MTFR1: variants seen among roughly 807,000 people sequenced by gnomAD.
MTFR1 encodes mitochondrial fission regulator 1, also known as chondrocyte protein with a poly-proline region.
In MTFR1, 28 loss-of-function variants were observed where a neutral mutation model predicts 38.8. That is an observed-to-expected ratio of 0.72 (90% confidence interval 0.53 to 0.99). The LOEUF (loss-of-function observed/expected upper bound fraction) is 0.99, where lower values mean the gene tolerates loss of function less well. MTFR1 is among the 50% of genes least tolerant of loss of function. The probability of loss-of-function intolerance (pLI) is 0.00; values close to 1 mark genes in which losing one functional copy is unlikely to be tolerated. For missense variants in MTFR1, 358 were observed against 395.5 expected (o/e 0.91, Z 0.81); for synonymous variants, 145 against 137.0 (o/e 1.06, Z -0.41).
In MTFR1 at chr8:65,693,659, A is replaced by G; in HGVS notation, c.181A>G (p.Thr61Ala). 2 of 1,613,962 alleles carry G rather than the reference A, an allele frequency of 1.2e-6. No homozygotes were observed. Among genetic ancestry groups the G allele is most frequent in the Non-Finnish European group, 1.7e-6 (2 of 1,179,848 alleles). Residue 61 changes from threonine to alanine, a missense_variant, in exon 4 of 8, where the codon ACA (threonine) becomes GCA (alanine). Transcript: ENST00000262146. The stretch of plus-strand genomic sequence containing the variant: ...TAACTTACAGATTAACAGCCATGCA[A>G]CAGAATGGAGTCCCAGCCACCCAGG... ...RVQFQINSHATEWSPSHPGED... is the reference protein window; with the variant it reads ...RVQFQINSHAAEWSPSHPGED...
intron 1 of MTFR1, among the ~76,000 whole-genome samples, chr8:65,657,436 G>A (rs1809298304): frequency 6.6e-6 from 1 of 152,150 alleles, no homozygotes; most frequent in Non-Finnish European, 1.5e-5. Context: ...TATGGTCTGG[G>A]CACAGTGGCT....
At chr8:65,751,655 G>T (rs550454206) in intron 3 of MTFR1, among the ~76,000 whole-genome samples, 1 of 152,094 alleles carries the variant, frequency 6.6e-6, no homozygotes, top group Non-Finnish European at 1.5e-5. Flanking sequence ...ACCACACCCA[G>T]CTAATTTTGT....
At chr8:65,705,035 C>T in intron 5 of MTFR1, 106 bp downstream of exon 5, 1 of 1,008,178 alleles carries the variant, frequency 9.9e-7, no homozygotes, top group Non-Finnish European at 1.5e-6. Context: ...TCTTAGAAAA[C>T]CAGGTGTCAT....
At chr8:65,686,010 T>A (rs1805061893) in intron 3 of MTFR1, among the ~76,000 whole-genome samples, 1 of 152,134 alleles carries the variant, frequency 6.6e-6, no homozygotes, top group South Asian at 2.1e-4. Context: ...TTCCAGTCAG[T>A]CAGGAACTAT....
chr8:65,662,551 G>A (rs1413444590), intron 1 of MTFR1, among the ~76,000 whole-genome samples: 4 of 142,872 alleles, frequency 2.8e-5, no homozygotes, highest in Non-Finnish European at 4.7e-5. Flanking sequence ...GTCTCTGCCT[G>A]GCCGCCCATC....
chr8:65,665,957 C>A (rs1432536503), intron 1 of MTFR1, among the ~76,000 whole-genome samples: 1 of 152,178 alleles, frequency 6.6e-6, no homozygotes, highest in Non-Finnish European at 1.5e-5. Context: ...CTGTTCCTAT[C>A]TAGAGATAAC....
At chr8:65,776,225 T>G (rs978101994), downstream of MTFR1, among the ~76,000 whole-genome samples, 1 of 152,200 alleles carries the variant, frequency 6.6e-6, no homozygotes, top group African/African-American at 2.4e-5. Context: ...TTATTTATCT[T>G]CTACCTACTT....
intron 3 of MTFR1, among the ~76,000 whole-genome samples, chr8:65,763,884 A>C (rs137952174): frequency 7.7e-4 from 118 of 152,354 alleles, no homozygotes; most frequent in African/African-American, 2.7e-3. Context: ...ATTAAGGTCC[A>C]ATACGTATCG....
intron 3 of MTFR1, among the ~76,000 whole-genome samples, chr8:65,689,168 G>A (rs1192707251): frequency 6.6e-6 from 1 of 152,036 alleles, no homozygotes; most frequent in Non-Finnish European, 1.5e-5. Flanking sequence ...CAAAGAATCC[G>A]TGTATGTTAT....
chr8:65,727,323 A>G, intron 3 of MTFR1: 1 of 1,612,318 alleles, frequency 6.2e-7, no homozygotes, highest in South Asian at 1.1e-5. Context: ...CAAAAGAATA[A>G]TGAATCACAG....
In MTFR1 at chr8:65,749,278, T is replaced by C. The variant is rs1585866850; in HGVS notation, c.*49-21669T>C. Reference sequence around the variant, plus strand: ...AAGCCTAATAGTAATGCAAAGCATATAGTAAGTAATTGTAAAATATATTAA... The same window carrying C: ...AAGCCTAATAGTAATGCAAAGCATACAGTAAGTAATTGTAAAATATATTAA... On this transcript the variant is annotated intron_variant, in intron 3 of 3. Coordinates refer to the MTFR1 transcript ENST00000521247. 3.9e-5 allele frequency among the ~76,000 whole-genome samples: 6 copies of C among 152,360 alleles called. No homozygotes were observed. The South Asian group carries it at 8.3e-4, about 21-fold the overall frequency.
intron 2 of MTFR1, among the ~76,000 whole-genome samples, chr8:65,678,273 C>A: frequency 6.6e-6 from 1 of 152,242 alleles, no homozygotes; most frequent in African/African-American, 2.4e-5. Context: ...TTTACAATTT[C>A]TCCCCCTCTA....
chr8:65,768,693 T>C (rs1808923405), intron 3 of MTFR1, among the ~76,000 whole-genome samples: 1 of 152,206 alleles, frequency 6.6e-6, no homozygotes, highest in Non-Finnish European at 1.5e-5. Context: ...GAAAATACTA[T>C]TTCAAGAAAA....
chr8:65,766,068 C>A (rs548471995), intron 3 of MTFR1, among the ~76,000 whole-genome samples: 3 of 152,204 alleles, frequency 2.0e-5, no homozygotes, highest in Non-Finnish European at 4.4e-5. Context: ...GCCTCAGCCT[C>A]CCGAGCAGCT....
chr8:65,678,124 T>C (rs189759552), intron 2 of MTFR1, among the ~76,000 whole-genome samples: 126 of 152,290 alleles, frequency 8.3e-4, no homozygotes, highest in Non-Finnish European at 1.5e-3. Flanking sequence ...AGAGGAAGTC[T>C]TTCCTTCTCT....
chr8:65,732,704 G>A (rs1374602991), intron 3 of MTFR1, among the ~76,000 whole-genome samples: 2 of 152,146 alleles, frequency 1.3e-5, no homozygotes, highest in Non-Finnish European at 2.9e-5. Flanking sequence ...GTAGAGATGG[G>A]ATCTTGCTAT....
At position 65,768,282 on chromosome 8, in the gene MTFR1, T is replaced by A. The variant is rs148875060; in HGVS notation, c.*49-2665T>A. On this transcript the variant is annotated intron_variant, in intron 3 of 3. Coordinates refer to the MTFR1 transcript ENST00000521247. ...ACACAAGCCACTAGTATAATTCTGATATGGTTTGGCTGTGCCCCCACCCAA... is the reference window on the plus strand; with the variant it reads ...ACACAAGCCACTAGTATAATTCTGAAATGGTTTGGCTGTGCCCCCACCCAA... Among the ~76,000 whole-genome samples the A allele has an allele frequency of 6.6e-5, 10 of 152,346 alleles. No homozygotes were observed. In the East Asian group the frequency reaches 1.9e-3, roughly 29 times the overall value.
rs1169778347 is a variant in MTFR1, at chr8:65,682,464, A to T, written c.165+13A>T. The T allele has an allele frequency of 1.6e-6, 2 of 1,271,144 alleles. No homozygotes were observed. Among genetic ancestry groups the T allele is most frequent in the East Asian group, 5.8e-5 (2 of 34,222 alleles). The allele number at this position is 1,271,144 out of a possible 1,614,324, so 78.7% of individuals were successfully genotyped here. ...AGTTCAGTTTCAGGTATTATATTTT[A>T]TATATTTTAAGTATTTTATTAATAT... On this transcript the variant is annotated intron_variant, in intron 3 of 7. Transcript: ENST00000262146.
Position 65,709,273 on chromosome 8 carries a change from A to G in MTFR1, c.*229A>G. On this transcript the variant is annotated 3_prime_UTR_variant, in exon 8 of 8. Coordinates refer to ENST00000262146, the MANE Select transcript of MTFR1 (RefSeq NM_014637.4). ...ACATGTGTGTTCTGACATGTTTCTA[A>G]TATGTGGCCAGGGCGTTCAGATTTC... The G allele has an allele frequency of 2.1e-6, 1 of 472,778 alleles. No homozygotes were observed. The highest frequency in any genetic ancestry group is 3.6e-5 in the South Asian group (1 of 27,882). The allele number at this position is 472,778 out of a possible 1,614,324, so 29.3% of individuals were successfully genotyped here.
Sources: allele counts gnomAD v4.1 joint callset (sites outside exome capture counted in the v4.1 genomes callset), GRCh38; gene constraint gnomAD v4.1.1; transcripts MANE v1.5; gene names NCBI Gene and HGNC (gene_info 2026-07-23, HGNC 2026-07-21).